SETBP1: variants seen among roughly 807,000 people sequenced by gnomAD.
SETBP1 encodes SET-binding protein.
In SETBP1, 9 loss-of-function variants were observed where a neutral mutation model predicts 101.0. The observed-to-expected ratio is 0.09, with a 90% CI of 0.05 to 0.16. The LOEUF (loss-of-function observed/expected upper bound fraction) is 0.16. Ranked by LOEUF, SETBP1 falls within the 10% of genes least tolerant of loss-of-function variation. The pLI, the probability that SETBP1 is intolerant of heterozygous loss-of-function variation, is 1.00. For synonymous variants in SETBP1, 818 were observed against 788.5 expected, an observed-to-expected ratio of 1.04 and a Z score of -0.63; for missense variants, 1,858 against 2,033.8, an observed-to-expected ratio of 0.91 and a Z score of 1.66.
At chr18:45,028,620 C>A (rs1321991039) in intron 4 of SETBP1, among the ~76,000 whole-genome samples, 1 of 152,192 alleles carries the variant, frequency 6.6e-6, no homozygotes, top group African/African-American at 2.4e-5. Context: ...AGTTTACAGT[C>A]CCACCAACAG....
chr18:44,780,204 C>T (rs775042954), intron 2 of SETBP1, among the ~76,000 whole-genome samples: 20 of 152,148 alleles, frequency 1.3e-4, no homozygotes, highest in Non-Finnish European at 2.6e-4. Context: ...TGCCCCAAAT[C>T]CCCAAGGTTC....
rs767228133 is a variant in SETBP1, at chr18:44,953,245, G to A, written c.3905G>A (p.Ser1302Asn). The A allele has an allele frequency of 1.9e-6, 3 of 1,614,028 alleles. No homozygotes were observed. In the East Asian group the frequency reaches 6.7e-5, roughly 36 times the overall value. ...GACGTGAGTGGGAGTAAAAGGAGGA[G>A]CTATGAAGGCTTTGGAACGTACAGG... is the stretch of plus-strand genomic sequence containing the variant. The part of the protein sequence containing the change: ...DSDVSGSKRR[S>N]YEGFGTYREK... The change falls in exon 4 of 6, where the codon AGC (serine) becomes AAC (asparagine). Residue 1302 changes from serine to asparagine, a missense_variant. Coordinates refer to ENST00000649279, the MANE Select transcript of SETBP1 (RefSeq NM_015559.3).
chr18:44,973,418 A>G (rs1208032793), intron 4 of SETBP1, among the ~76,000 whole-genome samples: 2 of 152,132 alleles, frequency 1.3e-5, no homozygotes, highest in African/African-American at 4.8e-5. Context: ...GCAGCTACTT[A>G]TTTTGTGTCA....
chr18:44,980,029 G>A (rs891909171), intron 4 of SETBP1, among the ~76,000 whole-genome samples: 4 of 152,212 alleles, frequency 2.6e-5, no homozygotes, highest in African/African-American at 9.6e-5. Context: ...TCTGAATGTC[G>A]TGGTTAGAGC....
chr18:45,048,164 G>A (rs764653645), intron 5 of SETBP1, among the ~76,000 whole-genome samples: 12 of 152,216 alleles, frequency 7.9e-5, no homozygotes, highest in African/African-American at 1.4e-4. Flanking sequence ...GGGTTATTGC[G>A]GTGTCCTCAT....
chr18:44,685,955 T>G (rs2068831664), intron 1 of SETBP1, among the ~76,000 whole-genome samples: 1 of 152,188 alleles, frequency 6.6e-6, no homozygotes, highest in South Asian at 2.1e-4. Context: ...AAATGCTCTT[T>G]GAGTTAAGGA....
intron 2 of SETBP1, among the ~76,000 whole-genome samples, chr18:44,714,481 C>T (rs529378821): frequency 3.9e-5 from 6 of 152,048 alleles, no homozygotes; most frequent in African/African-American, 1.2e-4. Flanking sequence ...GGATTACAGG[C>T]GTGAGCCACC....
intron 4 of SETBP1, among the ~76,000 whole-genome samples, chr18:45,026,315 C>A (rs1338768059): frequency 1.3e-5 from 2 of 152,128 alleles, no homozygotes; most frequent in African/African-American, 4.8e-5. Context: ...CCTTTGAGCA[C>A]CAAGCCAGCA....
chr18:45,003,685 G>A (rs62090482), intron 4 of SETBP1, among the ~76,000 whole-genome samples: 2 of 121,850 alleles, frequency 1.6e-5, no homozygotes, highest in Non-Finnish European at 3.5e-5. Context: ...GTAATGTCAT[G>A]GGAAAAAAAA....
intron 5 of SETBP1, among the ~76,000 whole-genome samples, chr18:45,055,388 A>G (rs1366626125): frequency 2.0e-5 from 3 of 152,194 alleles, no homozygotes; most frequent in Non-Finnish European, 4.4e-5. Flanking sequence ...GATGAGATAA[A>G]CTTGAAATAC....
chr18:44,936,439 CTCTT>C (rs1243939073), intron 3 of SETBP1, among the ~76,000 whole-genome samples: 1 of 152,270 alleles, frequency 6.6e-6, no homozygotes, highest in African/African-American at 2.4e-5. Flanking sequence ...ATTTACCTCT[CTCTT>C]TCAGTAAGTT....
At chr18:44,979,275 T>G (rs1449358759) in intron 4 of SETBP1, among the ~76,000 whole-genome samples, 2 of 152,206 alleles carry the variant, frequency 1.3e-5, no homozygotes. Flanking sequence ...TTTAAAACTG[T>G]ATTCCTGGAA....
intron 2 of SETBP1, among the ~76,000 whole-genome samples, chr18:44,785,550 ACAAATGT>A (rs1176797529): frequency 6.6e-6 from 1 of 152,180 alleles, no homozygotes; most frequent in African/African-American, 2.4e-5. Context: ...TTCTCTGGAT[ACAAATGT>A]CTGAGTGCTG....
At chr18:44,771,563 T>G (rs2070873644) in intron 2 of SETBP1, among the ~76,000 whole-genome samples, 1 of 152,132 alleles carries the variant, frequency 6.6e-6, no homozygotes, top group Non-Finnish European at 1.5e-5. Flanking sequence ...TGTAAGTCCC[T>G]AAGACAGAGT....
At chr18:44,829,894 A>G (rs2072320929) in intron 2 of SETBP1, among the ~76,000 whole-genome samples, 1 of 152,144 alleles carries the variant, frequency 6.6e-6, no homozygotes. Flanking sequence ...CCTTCTTGTC[A>G]GGGGGAAAAT....
chr18:44,942,805 A>G (rs1236061919), intron 3 of SETBP1, among the ~76,000 whole-genome samples: 1 of 152,208 alleles, frequency 6.6e-6, no homozygotes, highest in Non-Finnish European at 1.5e-5. Context: ...TCAAAGAGGT[A>G]TATGGTAGGG....
At chr18:45,026,085 A>C (rs2073159388) in intron 4 of SETBP1, among the ~76,000 whole-genome samples, 3 of 152,210 alleles carry the variant, frequency 2.0e-5, no homozygotes, top group Admixed American at 1.3e-4. Flanking sequence ...GGTAAAAAGG[A>C]AGACACTACA....
rs532173478 is a variant in SETBP1 at position 44,950,367 on chromosome 18, A to G, written c.1027A>G (p.Ile343Val). 3.7e-6 allele frequency: 6 copies of G among 1,614,136 alleles called. No individual in the cohort carries two copies. The African/African-American group carries it at 6.7e-5, about 18-fold the overall frequency. The change falls in exon 4 of 6, where the codon ATA (isoleucine) becomes GTA (valine). Residue 343 changes from isoleucine (I) to valine (V), a missense_variant. By Grantham distance (29) the Ile-to-Val change is conservative. Transcript: ENST00000649279. ...GAAAAAGTCCAGTAAAAAAGATGTG[A>G]TAAGTCAGACCATACCAAACCCAGA... is the stretch of plus-strand genomic sequence containing the variant. The part of the protein sequence containing the change: ...SKKKSSKKDV[I>V]SQTIPNPDLD...
chr18:44,708,647 A>C (rs2069271168), intron 2 of SETBP1, among the ~76,000 whole-genome samples: 1 of 152,060 alleles, frequency 6.6e-6, no homozygotes, highest in African/African-American at 2.4e-5. Flanking sequence ...GGAGATGGGG[A>C]GCCCTGGGCA....
Sources: gnomAD v4.1 joint callset for allele counts (sites outside exome capture counted in the v4.1 genomes callset) on GRCh38, gnomAD v4.1.1 for gene constraint, MANE v1.5 for transcripts, NCBI Gene and HGNC (gene_info 2026-07-23, HGNC 2026-07-21) for gene names.